SEC63: variants seen among roughly 807,000 people sequenced by gnomAD.
SEC63 encodes SEC63 protein translocation regulator, also known as translocation protein SEC63 homolog.
A neutral mutation model predicts 116.2 loss-of-function variants in SEC63; 56 were observed. The ratio of observed to expected loss-of-function variants is 0.48; its 90% CI spans 0.39 to 0.60. The LOEUF (loss-of-function observed/expected upper bound fraction) is 0.60. Among genes scored for constraint, SEC63 ranks in the 20% least tolerant of loss-of-function variants. SEC63 has a pLI of 0.00. For synonymous variants in SEC63, 273 were observed against 294.6 expected (o/e 0.93, Z 0.75); for missense variants, 668 against 900.0 (o/e 0.74, Z 3.30).
At chr6:107,913,280 G>A (rs1787328014) in intron 5 of SEC63, 86 bp downstream of exon 5, 4 of 924,992 alleles carry the variant, frequency 4.3e-6, no homozygotes, top group South Asian at 2.8e-5. Context: ...AGTTTAGTAA[G>A]AAAATAATAT....
intron 1 of SEC63, among the ~76,000 whole-genome samples, chr6:107,932,916 A>G (rs1787844747): frequency 1.3e-5 from 2 of 152,154 alleles, no homozygotes. Context: ...GGGTAGGCTG[A>G]ATAACTGTCC....
At chr6:107,957,618 GGCA>G (rs990151977) in intron 1 of SEC63, 8 of 289,328 alleles carry the variant, frequency 2.8e-5, no homozygotes, top group Non-Finnish European at 6.3e-6. Context: ...AAGACAAAGA[GGCA>G]GGAGGAGGCT....
intron 17 of SEC63, among the ~76,000 whole-genome samples, chr6:107,882,549 C>A (rs774183096): frequency 3.3e-5 from 5 of 152,130 alleles, no homozygotes; most frequent in Non-Finnish European, 5.9e-5. Flanking sequence ...TTCCCTTAAC[C>A]AACCTCTTGA....
intron 16 of SEC63, among the ~76,000 whole-genome samples, chr6:107,885,856 G>A (rs1462919602): frequency 1.3e-5 from 2 of 151,706 alleles, no homozygotes; most frequent in Non-Finnish European, 2.9e-5. Flanking sequence ...AGTATCATCT[G>A]TTGTTTTTTT....
At chr6:107,883,189 G>A (rs764092225) in intron 16 of SEC63, 43 bp from the exon 17 acceptor site, 1 of 1,606,380 alleles carries the variant, frequency 6.2e-7, no homozygotes, top group Non-Finnish European at 8.5e-7. Context: ...ATATCTCAAT[G>A]AGAACATATC....
chr6:107,926,688 G>T (rs752321441), intron 2 of SEC63, among the ~76,000 whole-genome samples: 6 of 152,020 alleles, frequency 3.9e-5, no homozygotes, highest in Non-Finnish European at 8.8e-5. Flanking sequence ...CATCCAAAAG[G>T]CTAACAAACA....
At chr6:107,940,928 T>C (rs1000045345) in intron 1 of SEC63, among the ~76,000 whole-genome samples, 3 of 152,184 alleles carry the variant, frequency 2.0e-5, no homozygotes, top group Non-Finnish European at 4.4e-5. Context: ...CCTCCTATTT[T>C]TCTTTTAGTC....
At chr6:107,934,437 C>T (rs1338209506) in intron 1 of SEC63, among the ~76,000 whole-genome samples, 1 of 150,638 alleles carries the variant, frequency 6.6e-6, no homozygotes, top group African/African-American at 2.4e-5. Context: ...GTGAGAGTGC[C>T]CGGCCGCGAC....
At chr6:107,920,500 T>A (rs1410406703) in intron 4 of SEC63, among the ~76,000 whole-genome samples, 1 of 150,750 alleles carries the variant, frequency 6.6e-6, no homozygotes, top group African/African-American at 2.4e-5. Flanking sequence ...TATAAACAAC[T>A]TTTATATGCA....
chr6:107,879,899 A>C (rs1786372224), intron 18 of SEC63, among the ~76,000 whole-genome samples: 1 of 152,106 alleles, frequency 6.6e-6, no homozygotes, highest in Admixed American at 6.5e-5. Context: ...CCACTAATAA[A>C]ATGTTCTGAG....
At chr6:107,896,480 T>A (rs1240164646) in intron 14 of SEC63, among the ~76,000 whole-genome samples, 3 of 151,688 alleles carry the variant, frequency 2.0e-5, no homozygotes, top group Non-Finnish European at 4.4e-5. Context: ...AAAAAAAAGA[T>A]GAAGGAAATA....
chr6:107,901,170 T>C (rs761821056), intron 13 of SEC63, among the ~76,000 whole-genome samples, 200 bp downstream of exon 13: 11 of 152,216 alleles, frequency 7.2e-5, no homozygotes, highest in Non-Finnish European at 1.2e-4. Flanking sequence ...ATAATAAAAG[T>C]AGGACTCTAT....
At chr6:107,901,640 G>T in intron 12 of SEC63, 123 bp from the exon 13 acceptor site, 1 of 664,566 alleles carries the variant, frequency 1.5e-6, no homozygotes, top group Non-Finnish European at 2.5e-6. Context: ...GTTGATTAAT[G>T]TGCATTTCAA....
chr6:107,903,168 A>T (rs1787047899), intron 11 of SEC63, 170 bp from the exon 12 acceptor site: 6 of 687,510 alleles, frequency 8.7e-6, no homozygotes, highest in Middle Eastern at 2.4e-4. Context: ...AAATATACAA[A>T]CTCGATCTAA....
intron 1 of SEC63, among the ~76,000 whole-genome samples, chr6:107,941,965 T>C (rs1770387421): frequency 6.6e-6 from 1 of 152,252 alleles, no homozygotes. Context: ...AGCTGAAGTT[T>C]GTGTTAAGGT....
chr6:107,888,103 A>G (rs545835165), intron 16 of SEC63, among the ~76,000 whole-genome samples: 278 of 152,276 alleles, frequency 1.8e-3, no homozygotes, highest in Middle Eastern at 3.4e-3. Flanking sequence ...TATGAAATTT[A>G]AAGTAGTTTT....
intron 14 of SEC63, 106 bp from the exon 15 acceptor site, chr6:107,894,003 G>T: frequency 8.4e-7 from 1 of 1,188,922 alleles, no homozygotes; most frequent in Non-Finnish European, 1.2e-6. Context: ...ATTTTTAACT[G>T]GCTACAATTG....
intron 13 of SEC63, among the ~76,000 whole-genome samples, chr6:107,899,490 TGAATC>T: frequency 6.6e-6 from 1 of 152,112 alleles, no homozygotes; most frequent in African/African-American, 2.4e-5. Context: ...CTGAGGTGGG[TGAATC>T]ACCTGAGGCT....
intron 6 of SEC63, 24 bp downstream of exon 6, chr6:107,912,692 T>A: frequency 2.0e-6 from 3 of 1,492,818 alleles, no homozygotes; most frequent in Non-Finnish European, 1.9e-6. Context: ...TACATCATAA[T>A]GTATCTTATT....
Sources: gnomAD v4.1 joint callset for allele counts (sites outside exome capture counted in the v4.1 genomes callset) on GRCh38, gnomAD v4.1.1 for gene constraint, MANE v1.5 for transcripts, NCBI Gene and HGNC (gene_info 2026-07-23, HGNC 2026-07-21) for gene names.